TNRC18: variants seen among roughly 807,000 people sequenced by gnomAD.
TNRC18 encodes trinucleotide repeat-containing gene 18 protein.
Under a neutral mutation model 226.7 loss-of-function variants are expected in TNRC18, and 69 were observed. That is an observed-to-expected ratio of 0.30 (90% CI 0.25 to 0.37). The LOEUF is 0.37. TNRC18 is among the 10% of genes least tolerant of loss of function. The pLI is 1.00. For synonymous variants in TNRC18, 2,449 were observed against 1,927.6 expected, an observed-to-expected ratio of 1.27 and a Z score of -7.09; for missense variants, 4,754 against 4,256.6, an observed-to-expected ratio of 1.12 and a Z score of -3.25.
At chr7:5,314,536 C>G (rs964979741) in intron 26 of TNRC18, among the ~76,000 whole-genome samples, 3 of 151,688 alleles carry the variant, frequency 2.0e-5, no homozygotes, top group Admixed American at 2.0e-4. Context: ...TCAGAACGGC[C>G]CTGCAGTGCA....
intron 11 of TNRC18, among the ~76,000 whole-genome samples, chr7:5,369,956 T>A (rs187544055): frequency 1.4e-4 from 22 of 152,274 alleles, no homozygotes; most frequent in Admixed American, 6.5e-4. Flanking sequence ...CACAATTTTT[T>A]AAAAAATTAA....
intron 4 of TNRC18, chr7:5,390,148 G>A: frequency 2.3e-6 from 1 of 434,968 alleles, no homozygotes; most frequent in African/African-American, 2.0e-5. Context: ...AGGATTGCTT[G>A]AGGCCAGGAG....
intron 2 of TNRC18, among the ~76,000 whole-genome samples, chr7:5,417,544 G>A (rs1782267015): frequency 6.6e-6 from 1 of 152,192 alleles, no homozygotes; most frequent in African/African-American, 2.4e-5. Flanking sequence ...ATCCCCGGAA[G>A]AACATGAGCT....
intron 2 of TNRC18, among the ~76,000 whole-genome samples, chr7:5,417,637 T>C (rs1782274065): frequency 6.6e-6 from 1 of 152,100 alleles, no homozygotes; most frequent in Non-Finnish European, 1.5e-5. Context: ...CAGGAAGCAC[T>C]TGGAAATTAT....
chr7:5,367,307 G>A (rs926307412), intron 11 of TNRC18, among the ~76,000 whole-genome samples: 7 of 152,074 alleles, frequency 4.6e-5, no homozygotes, highest in Non-Finnish European at 8.8e-5. Context: ...AGAGCTTGCA[G>A]TGAGCGGAGA....
At chr7:5,408,519 G>T (rs773070281) in intron 2 of TNRC18, among the ~76,000 whole-genome samples, 2 of 151,510 alleles carry the variant, frequency 1.3e-5, no homozygotes, top group Non-Finnish European at 2.9e-5. Context: ...GTGGCAGCGC[G>T]TGCAGCTACT....
At chr7:5,339,229 CTTTT>C (rs199794938) in intron 18 of TNRC18, among the ~76,000 whole-genome samples, 5 of 142,600 alleles carry the variant, frequency 3.5e-5, no homozygotes, top group African/African-American at 1.3e-4. Context: ...CTTTTTTTTT[CTTTT>C]TTTTTTTGTG....
chr7:5,390,272 G>A, intron 4 of TNRC18: 1 of 571,458 alleles, frequency 1.7e-6, no homozygotes, highest in East Asian at 3.0e-5. Flanking sequence ...GGCTGAGTCA[G>A]GTGCATCATT....
intron 2 of TNRC18, among the ~76,000 whole-genome samples, chr7:5,410,526 A>G (rs936044413): frequency 3.9e-5 from 6 of 152,206 alleles, no homozygotes; most frequent in African/African-American, 1.4e-4. Context: ...AAAAGACCCC[A>G]TAACAAAACA....
intron 2 of TNRC18, among the ~76,000 whole-genome samples, chr7:5,419,468 C>T (rs1470824948): frequency 1.3e-5 from 2 of 152,122 alleles, no homozygotes; most frequent in African/African-American, 4.8e-5. Context: ...CACGCATGCA[C>T]ACACACACAC....
rs771689865 is a variant in TNRC18 at position 5,313,891 on chromosome 7, G to T, written c.7028-28C>A. The T allele has an allele frequency of 4.2e-6, 6 of 1,429,372 alleles. No homozygotes were observed. The South Asian group carries it at 1.1e-4, about 26-fold the overall frequency. 88.5% of individuals were successfully genotyped at this position (1,429,372 alleles called of 1,614,324 possible). Reference sequence around the variant, plus strand: ...GCAAAACAAAACAGATGAGAAGCTGGGGCGGGGGCTTCCTGGCAGAGATGA... The same window carrying T: ...GCAAAACAAAACAGATGAGAAGCTGTGGCGGGGGCTTCCTGGCAGAGATGA... On this transcript the variant is annotated intron_variant, in intron 26 of 29. Coordinates refer to ENST00000430969, the MANE Select transcript of TNRC18 (RefSeq NM_001080495.3).
intron 2 of TNRC18, among the ~76,000 whole-genome samples, chr7:5,399,788 C>T (rs1422807331): frequency 2.0e-5 from 3 of 152,222 alleles, no homozygotes; most frequent in Admixed American, 6.5e-5. Context: ...GAGGCCTAGG[C>T]GGGTGGATCG....
chr7:5,319,279 T>A (rs1042185933), intron 24 of TNRC18, among the ~76,000 whole-genome samples: 1 of 152,176 alleles, frequency 6.6e-6, no homozygotes, highest in African/African-American at 2.4e-5. Context: ...TTGGCTTCCA[T>A]CTTCTGGGTA....
chr7:5,402,872 A>C (rs1331581146), intron 2 of TNRC18, among the ~76,000 whole-genome samples: 4 of 151,490 alleles, frequency 2.6e-5, no homozygotes, highest in East Asian at 3.9e-4. Flanking sequence ...AAATATATTT[A>C]TGGTGTGGAA....
chr7:5,358,700 G>C (rs1321658194), intron 15 of TNRC18, among the ~76,000 whole-genome samples: 3 of 152,168 alleles, frequency 2.0e-5, no homozygotes, highest in African/African-American at 2.4e-5. Context: ...TGTAATCCCA[G>C]CTACTTGGGA....
chr7:5,309,483 C>A lies in TNRC18; in HGVS notation c.8389-115G>T. 3 of 853,604 alleles carry A rather than the reference C, an allele frequency of 3.5e-6. No individual in the cohort carries two copies. The South Asian group carries it at 5.3e-5, about 15-fold the overall frequency. 52.9% of individuals were successfully genotyped at this position (853,604 alleles called of 1,614,324 possible). On this transcript the variant is annotated intron_variant, in intron 27 of 29. Coordinates refer to ENST00000430969, the MANE Select transcript of TNRC18 (RefSeq NM_001080495.3). This position sits in a 1 kb window ranked among gnomAD's most constrained non-coding sequence, Gnocchi z 5.7. ...CCTCGGCCTCTAAATCAACCCCTAT[C>A]CAACTGTGGGGAGATGAGGAAGCTC...
In TNRC18 at chr7:5,309,031, A is replaced by G; in HGVS notation, c.8626-82T>C. ...CCAGGCCCCAGGACAGGGCTGACCC[A>G]CTGGGCAGGGCTGCTGATGCTCCAG... On this transcript the variant is annotated intron_variant, in intron 28 of 29. Transcript: ENST00000430969. This position sits in a 1 kb window ranked among gnomAD's most constrained non-coding sequence, Gnocchi z 5.7. 5 of 1,514,518 alleles carry G rather than the reference A, an allele frequency of 3.3e-6. No homozygotes were observed. The South Asian group carries it at 6.0e-5, about 18-fold the overall frequency. The allele number at this position is 1,514,518 out of a possible 1,614,324, so 93.8% of individuals were successfully genotyped here. A position where few individuals can be genotyped will look rare whatever the true frequency, so the allele number is the denominator to read the frequency against.
Position 5,352,832 on chromosome 7 carries a change from C to G in TNRC18, c.5195-738G>C, listed in dbSNP as rs58454644. On this transcript the variant is annotated intron_variant, in intron 16 of 29. Coordinates refer to ENST00000430969, the MANE Select transcript of TNRC18 (RefSeq NM_001080495.3). ...CCCGCCATGCTCACGCCATTTTGAT[C>G]TGCTTTTCTTACTGGGCAAGATGGG... Among the ~76,000 whole-genome samples, 1,031 of 152,366 alleles carry G rather than the reference C, an allele frequency of 6.8e-3. 16 individuals carry two copies. The highest frequency in any genetic ancestry group is 0.023 in the African/African-American group (959 of 41,580).
At chr7:5,414,066 C>T (rs1170659657) in intron 2 of TNRC18, among the ~76,000 whole-genome samples, 1 of 151,742 alleles carries the variant, frequency 6.6e-6, no homozygotes, top group African/African-American at 2.4e-5. Context: ...CCTGCCTCAG[C>T]CTCCCAAGTA....
Sources: gnomAD v4.1 joint callset for allele counts (sites outside exome capture counted in the v4.1 genomes callset) on GRCh38, gnomAD v4.1.1 for gene constraint, Gnocchi (gnomAD v3.1) non-coding constraint, MANE v1.5 for transcripts, NCBI Gene and HGNC (gene_info 2026-07-23, HGNC 2026-07-21) for gene names.